RBFOX1: variants seen among roughly 807,000 people sequenced by gnomAD.
RBFOX1 encodes the protein RNA binding protein fox-1 homolog 1.
Under a neutral mutation model 57.7 loss-of-function variants are expected in RBFOX1, and 8 were observed. That is an observed-to-expected ratio of 0.14 (90% CI 0.08 to 0.25). The LOEUF is 0.25. Among genes scored for constraint, RBFOX1 ranks in the 10% least tolerant of loss-of-function variants. The pLI, the probability that RBFOX1 is intolerant of heterozygous loss-of-function variation, is 1.00. For synonymous variants in RBFOX1, 326 were observed against 222.4 expected (o/e 1.47, Z -4.15); for missense variants, 611 against 548.5 (o/e 1.11, Z -1.14).
At chr16:6,757,898 T>A (rs1568483289) in intron 3 of RBFOX1, among the ~76,000 whole-genome samples, 1 of 152,214 alleles carries the variant, frequency 6.6e-6, no homozygotes, top group East Asian at 1.9e-4. Flanking sequence ...ATGTCACATG[T>A]ACCCTGTAAA....
chr16:6,921,650 T>C (rs2074480129), intron 3 of RBFOX1, among the ~76,000 whole-genome samples: 1 of 150,230 alleles, frequency 6.7e-6, no homozygotes, highest in South Asian at 2.1e-4. Context: ...TATATATTTT[T>C]TTTTTTCTTA....
chr16:6,554,852 G>A (rs1461361179), intron 2 of RBFOX1, among the ~76,000 whole-genome samples: 2 of 148,156 alleles, frequency 1.3e-5, no homozygotes, highest in Admixed American at 6.6e-5. Context: ...TCTCACTCTC[G>A]CTCTGTCGCT....
chr16:5,826,349 C>T (rs780999930), intron 3 of RBFOX1, among the ~76,000 whole-genome samples: 3 of 152,098 alleles, frequency 2.0e-5, no homozygotes, highest in Non-Finnish European at 2.9e-5. Flanking sequence ...GACTTTGTCC[C>T]CAGTAGATGT....
At chr16:6,411,957 C>T (rs999669323) in intron 2 of RBFOX1, among the ~76,000 whole-genome samples, 2 of 150,744 alleles carry the variant, frequency 1.3e-5, no homozygotes, top group Admixed American at 1.3e-4. Context: ...CACAGTGAAA[C>T]CCTGTCTCTA....
intron 3 of RBFOX1, among the ~76,000 whole-genome samples, chr16:6,926,108 C>G (rs933807571): frequency 4.0e-5 from 6 of 151,866 alleles, no homozygotes; most frequent in Non-Finnish European, 8.8e-5. Context: ...GAGTTCAAGA[C>G]CAGCCTGGCC....
At chr16:6,875,486 C>T (rs781496858) in intron 3 of RBFOX1, among the ~76,000 whole-genome samples, 3 of 152,088 alleles carry the variant, frequency 2.0e-5, no homozygotes, top group African/African-American at 4.8e-5. Flanking sequence ...TTTTGAATCA[C>T]CCTTAAGTGC....
chr16:6,584,029 A>C (rs1263457521), intron 2 of RBFOX1, among the ~76,000 whole-genome samples: 1 of 151,654 alleles, frequency 6.6e-6, no homozygotes, highest in Non-Finnish European at 1.5e-5. Flanking sequence ...TCAAAATTGT[A>C]GGATTCCTTA....
In RBFOX1 at chr16:6,782,121, C is replaced by G. The variant is rs138233123; in HGVS notation, c.-16+127471C>G. On this transcript the variant is annotated intron_variant, in intron 3 of 15. Transcript: ENST00000550418. Reference sequence around the variant, plus strand: ...TCCTGGGTTCACGTGATTCTCCTGCCTCAGCCTCCCGAGTAGCTGGGACTA... The same window carrying G: ...TCCTGGGTTCACGTGATTCTCCTGCGTCAGCCTCCCGAGTAGCTGGGACTA... Among the ~76,000 whole-genome samples the G allele has an allele frequency of 5.4e-3, 819 of 152,218 alleles. 10 individuals are homozygous for G. The highest frequency in any genetic ancestry group is 0.019 in the African/African-American group (771 of 41,534).
At chr16:7,021,294 C>CTG (rs1221218941) in intron 3 of RBFOX1, among the ~76,000 whole-genome samples, 1 of 147,160 alleles carries the variant, frequency 6.8e-6, no homozygotes, top group African/African-American at 2.6e-5. Flanking sequence ...ATTTTATTTT[C>CTG]TCTCTCTCTC....
chr16:6,721,196 A>G (rs949248557), intron 3 of RBFOX1, among the ~76,000 whole-genome samples: 6 of 152,184 alleles, frequency 3.9e-5, no homozygotes, highest in African/African-American at 1.4e-4. Context: ...TAATCCCAGT[A>G]CTTTGGAAGG....
At chr16:6,623,989 C>G (rs1321200816) in intron 2 of RBFOX1, among the ~76,000 whole-genome samples, 4 of 152,136 alleles carry the variant, frequency 2.6e-5, no homozygotes, top group African/African-American at 9.7e-5. Flanking sequence ...AATGGTATTT[C>G]TAGTTCTAGA....
chr16:5,758,702 A>C (rs1176926702), intron 3 of RBFOX1, among the ~76,000 whole-genome samples: 3 of 152,214 alleles, frequency 2.0e-5, no homozygotes, highest in Non-Finnish European at 4.4e-5. Flanking sequence ...TGTAAGTACA[A>C]GCTGTTGGAT....
At chr16:5,634,998 G>C (rs976265823) in intron 3 of RBFOX1, among the ~76,000 whole-genome samples, 2 of 152,168 alleles carry the variant, frequency 1.3e-5, no homozygotes, top group African/African-American at 4.8e-5. Flanking sequence ...GATTGGTCAA[G>C]ACTGGGTCAT....
rs10500354 is a variant in RBFOX1 at position 7,340,452 on chromosome 16, C to G, written c.28-177695C>G. ...CCAAAGGCAGGGATGGCTGTTTTAC[C>G]TGGTATCTTCTCCGTTGCACTAATT... On this transcript the variant is annotated intron_variant, in intron 4 of 15. Coordinates refer to ENST00000550418, the MANE Select transcript of RBFOX1 (RefSeq NM_018723.4). Among the ~76,000 whole-genome samples the G allele has an allele frequency of 0.016, 2,485 of 152,278 alleles. 167 individuals carry two copies. In the East Asian group the frequency reaches 0.19, roughly 12 times the overall value.
intron 4 of RBFOX1, among the ~76,000 whole-genome samples, chr16:5,914,987 T>G (rs2109033): frequency 0.36 from 54,367 of 151,960 alleles, 9,901 homozygotes; most frequent in Middle Eastern, 0.49. Flanking sequence ...CCTACTATTG[T>G]GATGTGCCAT....
At chr16:5,550,388 C>T (rs2045414211) in intron 2 of RBFOX1, among the ~76,000 whole-genome samples, 1 of 152,146 alleles carries the variant, frequency 6.6e-6, no homozygotes, top group Non-Finnish European at 1.5e-5. Flanking sequence ...TTCTTCAGGG[C>T]TGTCGTGAGC....
intron 3 of RBFOX1, among the ~76,000 whole-genome samples, chr16:6,764,710 G>T (rs1195503355): frequency 1.3e-5 from 2 of 152,172 alleles, no homozygotes; most frequent in African/African-American, 4.8e-5. Context: ...GCTGAGGCGG[G>T]TAGGTCACTT....
intron 2 of RBFOX1, among the ~76,000 whole-genome samples, chr16:6,362,041 G>T (rs923895848): frequency 7.2e-5 from 11 of 152,062 alleles, no homozygotes; most frequent in Non-Finnish European, 1.6e-4. Context: ...CTAGTGTCCT[G>T]AAGCAAATCC....
intron 4 of RBFOX1, among the ~76,000 whole-genome samples, chr16:7,216,169 A>T (rs923259988): frequency 1.3e-5 from 2 of 152,058 alleles, no homozygotes; most frequent in African/African-American, 4.8e-5. Flanking sequence ...TGTTGTATTT[A>T]CCTCTTTACT....
Sources: gnomAD v4.1 joint callset for allele counts (sites outside exome capture counted in the v4.1 genomes callset) on GRCh38, gnomAD v4.1.1 for gene constraint, MANE v1.5 for transcripts, NCBI Gene and HGNC (gene_info 2026-07-23, HGNC 2026-07-21) for gene names.